DNAAF9: variants seen among roughly 807,000 people sequenced by gnomAD.
DNAAF9 encodes the protein shulin.
DNAAF9 carries 90 observed loss-of-function variants against 167.0 expected under a neutral mutation model. The ratio of observed to expected loss-of-function variants is 0.54; its 90% confidence interval spans 0.45 to 0.64. The LOEUF (loss-of-function observed/expected upper bound fraction) is 0.64. Ranked by LOEUF, DNAAF9 falls within the 30% of genes least tolerant of loss-of-function variation. DNAAF9 has a pLI of 0.00. For missense variants in DNAAF9, 1,315 were observed against 1,442.2 expected, an observed-to-expected ratio of 0.91 and a Z score of 1.43; for synonymous variants, 491 against 508.8, an observed-to-expected ratio of 0.96 and a Z score of 0.47.
rs188755476 is a variant in DNAAF9, at chr20:3,365,638, C to T, written c.613-6045G>A. ...AACTTCTGACCTCAGGTGATCCGCC[C>T]ACCTTGGCCTCCCAAAGTGCTGGGA... On this transcript the variant is annotated intron_variant, in intron 6 of 36. Coordinates refer to ENST00000252032, the MANE Select transcript of DNAAF9 (RefSeq NM_001009984.3). Among the ~76,000 whole-genome samples the T allele has an allele frequency of 3.9e-3, 589 of 152,062 alleles. 4 individuals are homozygous for T. The highest frequency in any genetic ancestry group is 0.011 in the African/African-American group (476 of 41,478).
Position 3,254,700 on chromosome 20 carries a change from CT to C in DNAAF9, c.3327+518del, listed in dbSNP as rs567330780. Among the ~76,000 whole-genome samples the C allele has an allele frequency of 2.3e-4, 35 of 152,248 alleles. No homozygotes were observed. In the South Asian group the frequency reaches 7.0e-3, roughly 31 times the overall value. On this transcript the variant is annotated intron_variant, in intron 35 of 36. Transcript: ENST00000252032. Reference sequence around the variant, plus strand: ...ATCCTGGGGACCTAGACTCTGTGTCCTTTTTAGCTTTTTGTCCCCAAACCCC... The same window carrying C: ...ATCCTGGGGACCTAGACTCTGTGTCCTTTTAGCTTTTTGTCCCCAAACCCC...
rs386393120 is a variant in DNAAF9, at chr20:3,268,897, CT to C, written c.2786+1529del. Among the ~76,000 whole-genome samples the C allele has an allele frequency of 5.1e-3, 438 of 85,816 alleles. 2 individuals carry two copies. The highest frequency in any genetic ancestry group is 8.5e-3 in the African/African-American group (183 of 21,480). 56.3% of individuals were successfully genotyped at this position (85,816 alleles called of 152,430 possible). On this transcript the variant is annotated intron_variant, in intron 30 of 36. Coordinates refer to ENST00000252032, the MANE Select transcript of DNAAF9 (RefSeq NM_001009984.3). Reference sequence around the variant, plus strand: ...GTAAAGAGATAATATCTCTATGTTACTTTTTTTTTTTTTTTTTTTTTTTTGA... The same window carrying C: ...GTAAAGAGATAATATCTCTATGTTACTTTTTTTTTTTTTTTTTTTTTTTGA...
intron 12 of DNAAF9, among the ~76,000 whole-genome samples, chr20:3,327,611 G>T (rs1460378934): frequency 1.3e-5 from 2 of 152,168 alleles, no homozygotes; most frequent in African/African-American, 4.8e-5. Flanking sequence ...ATAGGAGTTT[G>T]AAAGTGGGAA....
intron 31 of DNAAF9, among the ~76,000 whole-genome samples, chr20:3,261,520 AC>A (rs2068387450): frequency 6.6e-6 from 1 of 150,874 alleles, no homozygotes; most frequent in Non-Finnish European, 1.5e-5. Context: ...GGTGCCCACC[AC>A]CACGCCCAGC....
intron 1 of DNAAF9, among the ~76,000 whole-genome samples, chr20:3,388,395 T>C (rs952383793): frequency 7.9e-5 from 12 of 152,182 alleles, no homozygotes; most frequent in Non-Finnish European, 4.4e-5. Context: ...ATTCCAGTTC[T>C]GGGTATAAAT....
chr20:3,399,253 C>T (rs1353482694), intron 1 of DNAAF9, among the ~76,000 whole-genome samples: 1 of 152,068 alleles, frequency 6.6e-6, no homozygotes, highest in Non-Finnish European at 1.5e-5. Context: ...GAGTCTCACT[C>T]TGTCACCCAG....
chr20:3,270,382 T>C (rs1209176859), intron 30 of DNAAF9, 45 bp downstream of exon 30: 2 of 1,564,798 alleles, frequency 1.3e-6, no homozygotes, highest in South Asian at 2.2e-5. Context: ...CAGAGTGCTG[T>C]ATCTGAGAAA....
At chr20:3,269,420 C>T (rs1476983790) in intron 30 of DNAAF9, among the ~76,000 whole-genome samples, 2 of 151,918 alleles carry the variant, frequency 1.3e-5, no homozygotes, top group Non-Finnish European at 2.9e-5. Flanking sequence ...CACTATTTTA[C>T]CCAGGCTGGT....
Position 3,287,771 on chromosome 20 carries a change from T to C in DNAAF9, c.2347A>G (p.Ile783Val), listed in dbSNP as rs1460310851. The C allele has an allele frequency of 1.2e-6, 2 of 1,614,198 alleles. No individual in the cohort carries two copies. Among genetic ancestry groups the C allele is most frequent in the Admixed American group, 1.7e-5 (1 of 60,022 alleles). The change falls in exon 27 of 37, where the codon ATC becomes GTC. Residue 783 changes from isoleucine to valine, a missense_variant. By Grantham distance (29) the Ile-to-Val change is conservative. This residue lies in a region of DNAAF9 where 981 missense variants were observed against 1,012.5 expected (regional missense o/e 0.97). Transcript: ENST00000252032. ...ECGRWMVYRQ[I>V]MDSSECFHAA... is the part of the protein sequence containing the mutation. ...TGAAAACATTCAGAGCTGTCCATGA[T>C]TTGGCGATACACCATCCATCTGGAA...
In DNAAF9 at chr20:3,368,237, C is replaced by T. The variant is rs147063256; in HGVS notation, c.612+5811G>A. On this transcript the variant is annotated intron_variant, in intron 6 of 36. Coordinates refer to ENST00000252032, the MANE Select transcript of DNAAF9 (RefSeq NM_001009984.3). ...GCTGCATCTCCTAACTCAGGGAGTG[C>T]GCTGGGCACCACCTGGATCCTCTCT... Among the ~76,000 whole-genome samples, 573 of 152,216 alleles carry T rather than the reference C, an allele frequency of 3.8e-3. 6 individuals carry two copies. The highest frequency in any genetic ancestry group is 0.012 in the African/African-American group (496 of 41,520).
intron 20 of DNAAF9, among the ~76,000 whole-genome samples, chr20:3,314,068 G>A (rs1263309070): frequency 6.6e-6 from 1 of 152,178 alleles, no homozygotes; most frequent in African/African-American, 2.4e-5. Context: ...TGCATGTTGG[G>A]AGGGCTGCAG....
At chr20:3,305,605 T>G (rs1377553332) in intron 20 of DNAAF9, among the ~76,000 whole-genome samples, 1 of 152,198 alleles carries the variant, frequency 6.6e-6, no homozygotes, top group African/African-American at 2.4e-5. Flanking sequence ...TGCCTTCACA[T>G]CCTGGGTGAG....
Position 3,256,088 on chromosome 20 carries a change from T to G in DNAAF9, c.3179A>C (p.Gln1060Pro). The part of the protein sequence containing the change: ...SKSVSQDSSG[Q>P]QECYLVFIGC... ...GATGAACACAAGGTAGCACTCCTGC[T>G]GCCCGCTGCTGTCTTGAGATACGCT... The change falls in exon 34 of 37, where the codon CAG becomes CCG. Residue 1060 changes from glutamine to proline, a missense_variant. Gln to Pro is a moderately conservative substitution (Grantham distance 76). Transcript: ENST00000252032. The G allele has an allele frequency of 1.2e-6, 2 of 1,614,196 alleles. No individual in the cohort carries two copies. The highest frequency in any genetic ancestry group is 8.5e-7 in the Non-Finnish European group (1 of 1,180,004).
chr20:3,287,550 C>T, intron 27 of DNAAF9, 82 bp downstream of exon 27: 2 of 1,341,394 alleles, frequency 1.5e-6, no homozygotes, highest in Non-Finnish European at 2.1e-6. Flanking sequence ...TTCTGTGCTC[C>T]AGGTTTGTTA....
At chr20:3,261,541 T>C (rs2068388046) in intron 31 of DNAAF9, among the ~76,000 whole-genome samples, 1 of 150,768 alleles carries the variant, frequency 6.6e-6, no homozygotes, top group Non-Finnish European at 1.5e-5. Flanking sequence ...CTAATTTTTG[T>C]ATTTTTAATA....
chr20:3,333,306 C>A (rs1185274761), intron 10 of DNAAF9, among the ~76,000 whole-genome samples: 1 of 152,130 alleles, frequency 6.6e-6, no homozygotes, highest in Non-Finnish European at 1.5e-5. Flanking sequence ...TTCTGAAAAT[C>A]CAACATCTCA....
chr20:3,283,854 G>A (rs1027735892), intron 27 of DNAAF9, among the ~76,000 whole-genome samples: 2 of 152,210 alleles, frequency 1.3e-5, no homozygotes, highest in African/African-American at 4.8e-5. Flanking sequence ...CATGCTTGAG[G>A]AGTCATTTTA....
At chr20:3,395,886 C>A (rs1294936027) in intron 1 of DNAAF9, among the ~76,000 whole-genome samples, 1 of 152,164 alleles carries the variant, frequency 6.6e-6, no homozygotes, top group East Asian at 1.9e-4. Context: ...CCACCCAAAT[C>A]TCATCTTGAA....
intron 16 of DNAAF9, among the ~76,000 whole-genome samples, chr20:3,319,575 G>T (rs2069578789): frequency 6.6e-6 from 1 of 152,178 alleles, no homozygotes; most frequent in African/African-American, 2.4e-5. Flanking sequence ...GAATAGTAGT[G>T]AGCGGTGGGT....
Sources: gnomAD v4.1 joint callset for allele counts (sites outside exome capture counted in the v4.1 genomes callset) on GRCh38, gnomAD v4.1.1 for gene constraint, gnomAD v4.1.1 regional missense constraint, MANE v1.5 for transcripts, NCBI Gene and HGNC (gene_info 2026-07-23, HGNC 2026-07-21) for gene names.